Variants in ACER3 observed in about 807,000 individuals in gnomAD.
ACER3 encodes the protein alkCDase 3.
A neutral mutation model predicts 48.9 loss-of-function variants in ACER3; 16 were observed. The ratio of observed to expected loss-of-function variants is 0.33; its 90% CI spans 0.22 to 0.50. The LOEUF (loss-of-function observed/expected upper bound fraction) is 0.50. Ranked by LOEUF, ACER3 falls within the 20% of genes least tolerant of loss-of-function variation. The pLI is 0.98. For missense variants in ACER3, 227 were observed against 326.0 expected (o/e 0.70, Z 2.34); for synonymous variants, 109 against 107.8 (o/e 1.01, Z -0.07).
intron 1 of ACER3, among the ~76,000 whole-genome samples, chr11:76,886,687 G>A (rs950632415): frequency 1.3e-5 from 2 of 152,106 alleles, no homozygotes; most frequent in Non-Finnish European, 1.5e-5. Context: ...GGGTTTTGCT[G>A]TTATTGTTTT....
chr11:76,997,878 T>C (rs1409054018), intron 6 of ACER3, among the ~76,000 whole-genome samples: 1 of 152,154 alleles, frequency 6.6e-6, no homozygotes, highest in Non-Finnish European at 1.5e-5. Context: ...GAAAATTCTA[T>C]TATAACTCAA....
intron 1 of ACER3, among the ~76,000 whole-genome samples, chr11:76,879,118 A>AT (rs965025506): frequency 6.6e-6 from 1 of 151,990 alleles, no homozygotes; most frequent in African/African-American, 2.4e-5. Context: ...TCCCTACTTC[A>AT]TTTTTTAAAG....
rs1430740365 is a variant in ACER3, at chr11:77,011,649, TCCTGATCATTTTTA to T, written c.498-3366_498-3353del. 6.6e-5 allele frequency among the ~76,000 whole-genome samples: 10 copies of T among 152,196 alleles called. No individual in the cohort carries two copies. In the East Asian group the frequency reaches 1.5e-3, roughly 23 times the overall value. ...TCCATACATTGCCAGGTTTGTGCTT[TCCTGATCATTTTTA>T]AACGAATCACCTTTTACGTTCACTT... On this transcript the variant is annotated intron_variant, in intron 7 of 10. Coordinates refer to ENST00000532485, the MANE Select transcript of ACER3 (RefSeq NM_018367.7).
intron 1 of ACER3, among the ~76,000 whole-genome samples, chr11:76,897,905 G>T (rs139636256): frequency 6.6e-5 from 10 of 152,226 alleles, no homozygotes; most frequent in African/African-American, 2.4e-4. Context: ...ATTATACTTT[G>T]GGATATAGTA....
At chr11:76,934,016 C>G (rs1244876168) in intron 2 of ACER3, among the ~76,000 whole-genome samples, 1 of 151,736 alleles carries the variant, frequency 6.6e-6, no homozygotes, top group African/African-American at 2.4e-5. Context: ...GACGGGGCGG[C>G]GGGGCAGAGG....
chr11:76,899,925 T>C (rs1590901127), intron 1 of ACER3, among the ~76,000 whole-genome samples: 1 of 152,190 alleles, frequency 6.6e-6, no homozygotes. Context: ...AGCTTACTGT[T>C]GAAGCCATAC....
chr11:77,019,489 G>A (rs1555023968), intron 9 of ACER3: 1 of 503,190 alleles, frequency 2.0e-6, no homozygotes, highest in East Asian at 3.4e-5. Context: ...AATATACTCT[G>A]CTTGTGCTCT....
chr11:76,923,095 T>G (rs80186297), intron 1 of ACER3, among the ~76,000 whole-genome samples: 2,967 of 152,084 alleles, frequency 0.02, 82 homozygotes, highest in African/African-American at 0.067. Context: ...GCAATGTTCT[T>G]TCCCAACCCT....
chr11:76,980,446 G>A (rs1278425010), intron 4 of ACER3, among the ~76,000 whole-genome samples: 1 of 152,084 alleles, frequency 6.6e-6, no homozygotes, highest in Admixed American at 6.6e-5. Flanking sequence ...GAAGGCCAAG[G>A]CAGGAGTATT....
At chr11:76,905,747 T>C (rs752595422) in intron 1 of ACER3, among the ~76,000 whole-genome samples, 2 of 152,114 alleles carry the variant, frequency 1.3e-5, no homozygotes, top group Non-Finnish European at 2.9e-5. Flanking sequence ...ATACAGAAAT[T>C]AAAAGGAATG....
At chr11:76,900,349 A>G (rs1946048198) in intron 1 of ACER3, among the ~76,000 whole-genome samples, 1 of 152,206 alleles carries the variant, frequency 6.6e-6, no homozygotes, top group Admixed American at 6.5e-5. Flanking sequence ...AGAGGCAGGC[A>G]CAGTTGGTGT....
At chr11:77,004,529 T>G (rs559373195) in intron 7 of ACER3, among the ~76,000 whole-genome samples, 280 of 152,356 alleles carry the variant, frequency 1.8e-3, no homozygotes, top group African/African-American at 6.4e-3. Context: ...TCTCCAAACA[T>G]GATTTTGGAC....
intron 6 of ACER3, among the ~76,000 whole-genome samples, chr11:76,995,616 A>T (rs1055926949): frequency 4.6e-5 from 7 of 150,818 alleles, no homozygotes; most frequent in Non-Finnish European, 7.4e-5. Flanking sequence ...CTTTTTATTA[A>T]AAAAAAAAAC....
chr11:76,930,249 G>T (rs1179778056), intron 2 of ACER3, among the ~76,000 whole-genome samples: 1 of 152,174 alleles, frequency 6.6e-6, no homozygotes, highest in Non-Finnish European at 1.5e-5. Flanking sequence ...TAGTTTATTT[G>T]CATAGAGGTG....
In ACER3 at chr11:76,932,501, T is replaced by C. The variant is rs375876257; in HGVS notation, c.214+5834T>C. ...CTTGTCTACAGACTTATCCCTTTGC[T>C]TTTTTTCTGGGGTGTTTTCATAATG... On this transcript the variant is annotated intron_variant, in intron 2 of 10. Coordinates refer to ENST00000532485, the MANE Select transcript of ACER3 (RefSeq NM_018367.7). Among the ~76,000 whole-genome samples, 8 of 152,176 alleles carry C rather than the reference T, an allele frequency of 5.3e-5. No individual in the cohort carries two copies. The East Asian group carries it at 1.4e-3, about 26-fold the overall frequency.
In ACER3 at chr11:76,868,616, C is replaced by G. The variant is rs1945164470; in HGVS notation, c.103+7537C>G. Among the ~76,000 whole-genome samples the G allele has an allele frequency of 2.0e-5, 3 of 152,152 alleles. No homozygotes were observed. In the South Asian group the frequency reaches 6.2e-4, roughly 32 times the overall value. ...TAATCTGACTGTGGGTCACAAGACC[C>G]TCATTACAGAGAGAGTCCTGCCTCA... is the stretch of plus-strand genomic sequence containing the variant. On this transcript the variant is annotated intron_variant, in intron 1 of 10. Coordinates refer to ENST00000532485, the MANE Select transcript of ACER3 (RefSeq NM_018367.7).
At position 76,927,913 on chromosome 11, in the gene ACER3, A is replaced by G. The variant is rs184580595; in HGVS notation, c.214+1246A>G. Among the ~76,000 whole-genome samples the G allele has an allele frequency of 2.6e-3, 397 of 152,290 alleles. 1 individual carries two copies. Among genetic ancestry groups the G allele is most frequent in the Non-Finnish European group, 2.9e-3 (200 of 68,028 alleles). ...CTTTGCTATTGTGAATAGTGCCGCAATAAACATACGTGTGCATGTGTCTTT... is the reference window on the plus strand; with the variant it reads ...CTTTGCTATTGTGAATAGTGCCGCAGTAAACATACGTGTGCATGTGTCTTT... On this transcript the variant is annotated intron_variant, in intron 2 of 10. Coordinates refer to ENST00000532485, the MANE Select transcript of ACER3 (RefSeq NM_018367.7).
At chr11:77,016,625 C>A in intron 8 of ACER3, 50 bp from the exon 9 acceptor site, 3 of 994,854 alleles carry the variant, frequency 3.0e-6, no homozygotes, top group Non-Finnish European at 4.6e-6. Context: ...CAGCGTTAGT[C>A]GCTAAATATT....
chr11:76,888,102 A>C (rs1945717075), intron 1 of ACER3, among the ~76,000 whole-genome samples: 1 of 151,908 alleles, frequency 6.6e-6, no homozygotes, highest in African/African-American at 2.4e-5. Context: ...TTATAGCCTG[A>C]CTTGCTTATT....
Sources: allele counts gnomAD v4.1 joint callset (sites outside exome capture counted in the v4.1 genomes callset), GRCh38; gene constraint gnomAD v4.1.1; transcripts MANE v1.5; gene names NCBI Gene and HGNC (gene_info 2026-07-23, HGNC 2026-07-21).